Variants in KIF6 observed in about 807,000 individuals in gnomAD.
KIF6 encodes kinesin-like protein KIF6.
A neutral mutation model predicts 112.7 loss-of-function variants in KIF6; 106 were observed. The observed-to-expected ratio is 0.94, with a 90% confidence interval of 0.80 to 1.11. The LOEUF is 1.11. KIF6 is among the 50% of genes least tolerant of loss of function. The pLI, the probability that KIF6 is intolerant of heterozygous loss-of-function variation, is 0.00. For synonymous variants in KIF6, 339 were observed against 339.9 expected (o/e 1.00, Z 0.03); for missense variants, 929 against 964.0 (o/e 0.96, Z 0.48).
intron 19 of KIF6, among the ~76,000 whole-genome samples, chr6:39,350,576 C>G (rs1764165814): frequency 6.6e-6 from 1 of 152,096 alleles, no homozygotes; most frequent in African/African-American, 2.4e-5. Flanking sequence ...GAGGAGAAGG[C>G]CAGTGCTGTC....
chr6:39,588,582 T>A (rs1337145381), intron 7 of KIF6, among the ~76,000 whole-genome samples: 1 of 152,112 alleles, frequency 6.6e-6, no homozygotes, highest in African/African-American at 2.4e-5. Context: ...CTCAACCTCT[T>A]CCCTGTGCTA....
intron 3 of KIF6, among the ~76,000 whole-genome samples, chr6:39,654,721 C>T (rs1026372272): frequency 6.6e-6 from 1 of 152,162 alleles, no homozygotes; most frequent in Non-Finnish European, 1.5e-5. Context: ...TACTTCCAGA[C>T]ATTTTACATA....
At position 39,343,754 on chromosome 6, in the gene KIF6, T is replaced by G; in HGVS notation, c.2383A>C (p.Ile795Leu). ...LTGDSQTDSD[I>L]IAFIKARQSI... ...TGTCTGGCCTTGATGAAGGCGATGA[T>G]GTCCGAGTCCGTCTGGCTGTCTCCG... The change falls in exon 22 of 23, where the codon ATC becomes CTC. Residue 795 changes from isoleucine (I) to leucine (L), a missense_variant. By Grantham distance (5) the Ile-to-Leu change is conservative (BLOSUM62 2). Around this residue, in one of 2 missense-constraint regions of KIF6, gnomAD observed 241 missense variants for 301.4 expected, o/e 0.80. Coordinates refer to ENST00000287152, the MANE Select transcript of KIF6 (RefSeq NM_145027.6). The surrounding 1 kb of genome is among the most constrained non-coding windows in gnomAD (Gnocchi z 4.1). 6.2e-7 allele frequency: 1 copy of G among 1,613,166 alleles called. No individual in the cohort carries two copies. The highest frequency in any genetic ancestry group is 1.1e-5 in the South Asian group (1 of 90,840).
At chr6:39,492,543 G>A (rs1775535109) in intron 13 of KIF6, among the ~76,000 whole-genome samples, 1 of 152,154 alleles carries the variant, frequency 6.6e-6, no homozygotes, top group Non-Finnish European at 1.5e-5. Flanking sequence ...AAGAACCATG[G>A]GAAATGACTC....
chr6:39,410,453 C>T (rs1057104697), intron 15 of KIF6, among the ~76,000 whole-genome samples: 2 of 152,030 alleles, frequency 1.3e-5, no homozygotes, highest in Non-Finnish European at 2.9e-5. Flanking sequence ...ATAATAAATC[C>T]TAAATGAGTT....
At chr6:39,388,839 G>A (rs1019816203) in intron 15 of KIF6, among the ~76,000 whole-genome samples, 1 of 152,188 alleles carries the variant, frequency 6.6e-6, no homozygotes, top group Admixed American at 6.5e-5. Context: ...GCCTGAGGCC[G>A]GAGACAGTCT....
chr6:39,610,700 G>A (rs990711683), intron 6 of KIF6, among the ~76,000 whole-genome samples: 2 of 151,938 alleles, frequency 1.3e-5, no homozygotes, highest in African/African-American at 4.8e-5. Flanking sequence ...TATAAACTAA[G>A]GTGCTAAATA....
intron 16 of KIF6, among the ~76,000 whole-genome samples, chr6:39,365,822 G>A (rs746240899): frequency 2.1e-4 from 32 of 152,336 alleles, no homozygotes; most frequent in Non-Finnish European, 4.1e-4. Flanking sequence ...GACTGCTGGA[G>A]GCGGGCGGAG....
At chr6:39,555,980 TTTATAGTAATGAATGGATTC>T (rs1319484802) in intron 10 of KIF6, among the ~76,000 whole-genome samples, 13 of 145,214 alleles carry the variant, frequency 9.0e-5, no homozygotes, top group African/African-American at 3.1e-4. Flanking sequence ...AAAAAGAAGA[TTTATAGTAATGAATGGATTC>T]TTACATAAAG....
intron 19 of KIF6, among the ~76,000 whole-genome samples, chr6:39,348,348 T>A (rs1763960463): frequency 6.6e-6 from 1 of 152,036 alleles, no homozygotes; most frequent in African/African-American, 2.4e-5. Flanking sequence ...AAGGGCACGA[T>A]CACACCGTGG....
intron 10 of KIF6, among the ~76,000 whole-genome samples, chr6:39,555,497 G>T (rs1195681694): frequency 2.0e-5 from 3 of 152,132 alleles, no homozygotes; most frequent in Admixed American, 6.5e-5. Context: ...GAGTAGGGGT[G>T]GGGGAGGGTG....
chr6:39,637,066 A>G (rs1291290911), intron 4 of KIF6, among the ~76,000 whole-genome samples: 9 of 152,036 alleles, frequency 5.9e-5, no homozygotes, highest in Non-Finnish European at 1.3e-4. Flanking sequence ...TGTTTTTATT[A>G]TTATTTCTAG....
rs184067848 is a variant in KIF6 at position 39,472,689 on chromosome 6, C to T, written c.1646-41528G>A. Among the ~76,000 whole-genome samples the T allele has an allele frequency of 8.1e-3, 1,229 of 152,250 alleles. 6 individuals are homozygous for T. The highest frequency in any genetic ancestry group is 0.013 in the Non-Finnish European group (888 of 68,006). ...TAAAGGAGCTGCCTGACTTTCTTGA[C>T]CTTGCAGAAAAATAAAATACTCCAG... On this transcript the variant is annotated intron_variant, in intron 13 of 22. Coordinates refer to ENST00000287152, the MANE Select transcript of KIF6 (RefSeq NM_145027.6).
chr6:39,540,319 T>A, intron 12 of KIF6, 98 bp from the exon 13 acceptor site: 1 of 792,106 alleles, frequency 1.3e-6, no homozygotes, highest in Non-Finnish European at 2.0e-6. Flanking sequence ...ATTTGCTATT[T>A]ATCATGTGGT....
At chr6:39,458,551 G>T in intron 13 of KIF6, among the ~76,000 whole-genome samples, 1 of 150,950 alleles carries the variant, frequency 6.6e-6, no homozygotes, top group Non-Finnish European at 1.5e-5. Context: ...GAAATAAAAG[G>T]TATTCAATTA....
intron 15 of KIF6, among the ~76,000 whole-genome samples, chr6:39,397,508 A>G (rs879488775): frequency 9.9e-5 from 15 of 151,378 alleles, no homozygotes; most frequent in Non-Finnish European, 2.1e-4. Flanking sequence ...CAGGAGTGAC[A>G]TATTTCAGGA....
chr6:39,709,051 C>A (rs989346187), intron 3 of KIF6, among the ~76,000 whole-genome samples: 3 of 152,134 alleles, frequency 2.0e-5, no homozygotes, highest in Non-Finnish European at 4.4e-5. Flanking sequence ...TGTTACTAAT[C>A]AACCCAAATA....
intron 5 of KIF6, among the ~76,000 whole-genome samples, chr6:39,624,104 G>A (rs1272399196): frequency 1.3e-5 from 2 of 152,166 alleles, no homozygotes; most frequent in Non-Finnish European, 2.9e-5. Flanking sequence ...TTTATGAGAT[G>A]ACTGCAGCTC....
intron 13 of KIF6, among the ~76,000 whole-genome samples, chr6:39,519,037 G>C (rs1777225705): frequency 6.6e-6 from 1 of 152,146 alleles, no homozygotes; most frequent in South Asian, 2.1e-4. Context: ...ACCATGCATG[G>C]AACTGAGCTC....
Sources: gnomAD v4.1 joint callset for allele counts (sites outside exome capture counted in the v4.1 genomes callset) on GRCh38, gnomAD v4.1.1 for gene constraint, gnomAD v4.1.1 regional missense constraint, Gnocchi (gnomAD v3.1) non-coding constraint, MANE v1.5 for transcripts, NCBI Gene and HGNC (gene_info 2026-07-23, HGNC 2026-07-21) for gene names.